The following ATG10 variants were observed in gnomAD, a reference collection of about 807,000 sequenced individuals.
ATG10 encodes ubiquitin-like-conjugating enzyme ATG10.
Under a neutral mutation model 32.1 loss-of-function variants are expected in ATG10, and 30 were observed. The ratio of observed to expected loss-of-function variants is 0.94; its 90% CI spans 0.70 to 1.27. The LOEUF is 1.27. Ranked by LOEUF, ATG10 falls within the 50% of genes most tolerant of loss-of-function variation. ATG10 has a pLI of 0.00. For synonymous variants in ATG10, 87 were observed against 91.5 expected (o/e 0.95, Z 0.28); for missense variants, 233 against 262.3 (o/e 0.89, Z 0.77).
chr5:82,212,683 A>G (rs1161660286), intron 5 of ATG10, among the ~76,000 whole-genome samples: 1 of 152,238 alleles, frequency 6.6e-6, no homozygotes, highest in Non-Finnish European at 1.5e-5. Flanking sequence ...GAGAGTAAAC[A>G]GATACAACTT....
At chr5:82,018,442 C>T (rs906064624) in intron 2 of ATG10, among the ~76,000 whole-genome samples, 1 of 152,188 alleles carries the variant, frequency 6.6e-6, no homozygotes, top group Admixed American at 6.5e-5. Context: ...CTTCCTATGA[C>T]ATAACTCTTA....
chr5:82,027,373 G>A (rs376649661), intron 2 of ATG10, among the ~76,000 whole-genome samples: 1 of 151,988 alleles, frequency 6.6e-6, no homozygotes, highest in East Asian at 1.9e-4. Context: ...CACTCTAGCT[G>A]GGGTGACAGA....
chr5:82,124,250 G>A (rs1172878426), intron 3 of ATG10, among the ~76,000 whole-genome samples: 8 of 150,626 alleles, frequency 5.3e-5, no homozygotes, highest in Non-Finnish European at 7.4e-5. Context: ...TGATCTGCCC[G>A]CCTTGGCCTC....
chr5:82,230,939 A>G (rs1315287824), intron 5 of ATG10, among the ~76,000 whole-genome samples: 1 of 152,140 alleles, frequency 6.6e-6, no homozygotes, highest in Non-Finnish European at 1.5e-5. Context: ...AAAAGTATAT[A>G]TTCACTATGT....
intron 5 of ATG10, among the ~76,000 whole-genome samples, chr5:82,206,169 C>T (rs1026247689): frequency 8.6e-5 from 13 of 151,972 alleles, no homozygotes; most frequent in South Asian, 2.1e-4. Flanking sequence ...GAGGCTGTAG[C>T]GTAGGATGGG....
chr5:82,099,468 T>C (rs1336720568), intron 3 of ATG10, among the ~76,000 whole-genome samples: 2 of 152,036 alleles, frequency 1.3e-5, no homozygotes, highest in African/African-American at 2.4e-5. Flanking sequence ...TCAATAGAAT[T>C]ACATTTATAG....
In ATG10 at chr5:82,010,007, G is replaced by A. The variant is rs1762085165; in HGVS notation, c.108+22329G>A. The A allele has an allele frequency of 2.5e-6, 4 of 1,609,690 alleles. No individual in the cohort carries two copies. In the Admixed American group the frequency reaches 6.7e-5, roughly 27 times the overall value. On this transcript the variant is annotated intron_variant, in intron 2 of 7. Transcript: ENST00000282185. ...CATGAAAATTTTCTGCTGTCTTTGG[G>A]ACCTTGTCAGCTAACAGCTCAAAGG...
At chr5:82,184,021 T>C in intron 5 of ATG10, among the ~76,000 whole-genome samples, 1 of 152,228 alleles carries the variant, frequency 6.6e-6, no homozygotes, top group East Asian at 1.9e-4. Flanking sequence ...TTTAGTGGTA[T>C]GACAAGTGGT....
In ATG10 at chr5:82,161,696, A is replaced by AACACACACACACACACACACACAC. The variant is rs60780834; in HGVS notation, c.217-2689_217-2666dup. On this transcript the variant is annotated intron_variant, in intron 3 of 7. Coordinates refer to ENST00000282185, the MANE Select transcript of ATG10 (RefSeq NM_031482.5). ...GCTCAATAGAGAAGATTAGAGAATA[A>AACACACACACACACACACACACAC]ACACACACACACACACACACACACA... Among the ~76,000 whole-genome samples, 645 of 129,682 alleles carry AACACACACACACACACACACACAC rather than the reference A, an allele frequency of 5.0e-3. 7 individuals carry two copies. Among genetic ancestry groups the AACACACACACACACACACACACAC allele is most frequent in the Middle Eastern group, 7.6e-3 (2 of 264 alleles). The allele number at this position is 129,682 out of a possible 152,430, so 85.1% of individuals were successfully genotyped here.
Position 82,253,378 on chromosome 5 carries a change from C to CT in ATG10, c.617dup (p.Ser207GlufsTer10). 6.2e-7 allele frequency: 1 copy of CT among 1,612,914 alleles called. No homozygotes were observed. Among genetic ancestry groups the CT allele is most frequent in the Non-Finnish European group, 8.5e-7 (1 of 1,178,862 alleles). ...GCCAGTTGTTGGGCTGAATCTACCT[C>CT]TGAGTTATGCCAAAGCAACGTCTCA... On this transcript the variant is annotated frameshift_variant, in exon 7 of 8. Coordinates refer to ENST00000282185, the MANE Select transcript of ATG10 (RefSeq NM_031482.5). LOFTEE classifies it high-confidence loss of function.
intron 3 of ATG10, among the ~76,000 whole-genome samples, chr5:82,129,451 T>C (rs888207909): frequency 1.3e-5 from 2 of 152,120 alleles, no homozygotes; most frequent in Non-Finnish European, 2.9e-5. Flanking sequence ...TCAGCCTTTT[T>C]GCACTGATTT....
intron 2 of ATG10, among the ~76,000 whole-genome samples, chr5:81,999,333 T>C (rs760570555): frequency 5.3e-5 from 8 of 152,066 alleles, no homozygotes; most frequent in Non-Finnish European, 1.2e-4. Context: ...TTTGAAACTA[T>C]TGAGAACAAA....
At chr5:82,184,874 C>T (rs529539523) in intron 5 of ATG10, among the ~76,000 whole-genome samples, 4 of 152,244 alleles carry the variant, frequency 2.6e-5, no homozygotes, top group Admixed American at 6.5e-5. Flanking sequence ...TTTCTGCTAC[C>T]GCAACAGGGC....
intron 2 of ATG10, among the ~76,000 whole-genome samples, chr5:82,009,149 A>G (rs917617660): frequency 6.6e-6 from 1 of 152,200 alleles, no homozygotes; most frequent in African/African-American, 2.4e-5. Context: ...GTGTACGGTT[A>G]AAAGACTCTT....
At chr5:82,056,434 T>TC in intron 2 of ATG10, among the ~76,000 whole-genome samples, 1 of 151,082 alleles carries the variant, frequency 6.6e-6, no homozygotes, top group East Asian at 1.9e-4. Flanking sequence ...GCCAGGTTTT[T>TC]TTTTTTTTTT....
At chr5:82,038,981 G>C (rs1484870617) in intron 2 of ATG10, among the ~76,000 whole-genome samples, 1 of 152,108 alleles carries the variant, frequency 6.6e-6, no homozygotes, top group African/African-American at 2.4e-5. Context: ...GTGAGTAGCT[G>C]GGACTATGGC....
At chr5:82,138,836 GCTCTCCCTCCCC>G (rs1453727825) in intron 3 of ATG10, among the ~76,000 whole-genome samples, 14 of 74,270 alleles carry the variant, frequency 1.9e-4, no homozygotes, top group Admixed American at 1.4e-3. Context: ...TGAAAGTCGA[GCTCTCCCTCCCC>G]CTCCCCCTCC....
intron 3 of ATG10, among the ~76,000 whole-genome samples, chr5:82,083,497 C>T (rs1181443570): frequency 6.6e-6 from 1 of 152,306 alleles, no homozygotes; most frequent in African/African-American, 2.4e-5. Flanking sequence ...CCTCCCAGCA[C>T]AGAGTTTGAG....
At chr5:82,014,038 T>C (rs1463180956) in intron 2 of ATG10, among the ~76,000 whole-genome samples, 1 of 152,234 alleles carries the variant, frequency 6.6e-6, no homozygotes, top group African/African-American at 2.4e-5. Flanking sequence ...GTCTTTGTTC[T>C]TGTTGGTTTC....
Sources: allele counts gnomAD v4.1 joint callset (sites outside exome capture counted in the v4.1 genomes callset), GRCh38; gene constraint gnomAD v4.1.1; transcripts MANE v1.5; gene names NCBI Gene and HGNC (gene_info 2026-07-23, HGNC 2026-07-21).